MSL2: variants seen among roughly 807,000 people sequenced by gnomAD.
The protein encoded by MSL2 is MSL complex subunit 2, also known as E3 ubiquitin-protein ligase MSL2.
A neutral mutation model predicts 35.8 loss-of-function variants in MSL2; 2 were observed. That is an observed-to-expected ratio of 0.06 (90% confidence interval 0.02 to 0.18). The LOEUF (loss-of-function observed/expected upper bound fraction) is 0.18, where lower values mean the gene tolerates loss of function less well. Ranked by LOEUF, MSL2 falls within the 10% of genes least tolerant of loss-of-function variation. The pLI is 1.00. For missense variants in MSL2, 523 were observed against 706.7 expected (o/e 0.74, Z 2.95); for synonymous variants, 296 against 255.7 (o/e 1.16, Z -1.50).
intron 1 of MSL2, 198 bp from the exon 2 acceptor site, chr3:136,152,936 C>T: frequency 1.0e-6 from 1 of 985,420 alleles, no homozygotes; most frequent in Non-Finnish European, 1.2e-6. Flanking sequence ...ATTCCCCATT[C>T]AGTTATCTCA....
At chr3:136,167,406 C>T (rs1369527955) in intron 1 of MSL2, among the ~76,000 whole-genome samples, 1 of 151,818 alleles carries the variant, frequency 6.6e-6, no homozygotes, top group Admixed American at 6.6e-5. Flanking sequence ...GACAAAAATG[C>T]ATCATATAAT....
chr3:136,179,883 C>A lies in MSL2; in HGVS notation c.142+15089G>T, dbSNP rs1576370862. ...GAGTTTGAGATCAGCCTGGCCAACA[C>A]GGTGAAACTCCACCTCTACTAAAAA... On this transcript the variant is annotated intron_variant, in intron 1 of 1. Transcript: ENST00000309993. Among the ~76,000 whole-genome samples, 4 of 151,926 alleles carry A rather than the reference C, an allele frequency of 2.6e-5. No homozygotes were observed. In the South Asian group the frequency reaches 6.2e-4, roughly 24 times the overall value.
intron 1 of MSL2, among the ~76,000 whole-genome samples, chr3:136,187,396 C>T (rs1036731717): frequency 6.6e-6 from 1 of 152,156 alleles, no homozygotes; most frequent in Admixed American, 6.6e-5. Flanking sequence ...GGCGCAGTGG[C>T]TCACGCCTGT....
Position 136,152,304 on chromosome 3 carries a change from C to T in MSL2, c.577G>A (p.Gly193Ser). 1 of 1,613,974 alleles carries T rather than the reference C, an allele frequency of 6.2e-7. No individual in the cohort carries two copies. The highest frequency in any genetic ancestry group is 8.5e-7 in the Non-Finnish European group (1 of 1,179,896). The change falls in exon 2 of 2, where the codon GGT becomes AGT. Residue 193 changes from glycine to serine, a missense_variant. By Grantham distance (56) the Gly-to-Ser change is moderately conservative. This residue lies in a region of MSL2 where 361 missense variants were observed against 414.6 expected (regional missense o/e 0.87). Coordinates refer to ENST00000309993, the MANE Select transcript of MSL2 (RefSeq NM_018133.4). Reference protein sequence around the residue: ...SIAIGSSVINGLPTYNGLSID... With the variant: ...SIAIGSSVINSLPTYNGLSID... ...GAAAGCCCATTATAAGTAGGCAAAC[C>T]ATTGATAACAGAACTGCCAATAGCA...
chr3:136,156,076 G>A (rs1431294925), intron 1 of MSL2: 5 of 256,988 alleles, frequency 1.9e-5, no homozygotes, highest in East Asian at 9.9e-5. Flanking sequence ...TTTTTCAAAA[G>A]GAAATCAGCT....
intron 1 of MSL2, among the ~76,000 whole-genome samples, chr3:136,159,354 C>CTTTTTTTTT (rs71157361): frequency 1.7e-4 from 12 of 70,054 alleles, no homozygotes; most frequent in African/African-American, 4.4e-4. Context: ...AGAGTACTTT[C>CTTTTTTTTT]TTTTTTTTTT....
At chr3:136,183,414 G>C (rs1052889811) in intron 1 of MSL2, among the ~76,000 whole-genome samples, 3 of 151,866 alleles carry the variant, frequency 2.0e-5, no homozygotes, top group Non-Finnish European at 4.4e-5. Context: ...TTTTTAAAAT[G>C]AAAGTTTTGT....
chr3:136,192,355 T>C (rs1240819129), intron 1 of MSL2, among the ~76,000 whole-genome samples: 1 of 151,970 alleles, frequency 6.6e-6, no homozygotes, highest in Non-Finnish European at 1.5e-5. Context: ...ATTTGTGTAT[T>C]TTTAGTAGAG....
intron 1 of MSL2, among the ~76,000 whole-genome samples, chr3:136,168,183 T>C (rs1163979572): frequency 6.6e-6 from 1 of 151,842 alleles, no homozygotes; most frequent in Non-Finnish European, 1.5e-5. Context: ...AGTTCAAGAT[T>C]AGCTGGGTAA....
chr3:136,165,779 CAAAAGA>C (rs902755751), intron 1 of MSL2, among the ~76,000 whole-genome samples: 2 of 151,782 alleles, frequency 1.3e-5, no homozygotes, highest in African/African-American at 4.8e-5. Context: ...TTAATGGCTA[CAAAAGA>C]AATAGAAAGA....
intron 1 of MSL2, among the ~76,000 whole-genome samples, chr3:136,163,387 C>A (rs1939762730): frequency 6.6e-6 from 1 of 152,166 alleles, no homozygotes; most frequent in Non-Finnish European, 1.5e-5. Context: ...TATTTCCTAG[C>A]ACTATCCACT....
At position 136,195,800 on chromosome 3, in the gene MSL2, G is replaced by C; in HGVS notation, c.-687C>G. On this transcript the variant is annotated 5_prime_UTR_variant, in exon 1 of 2. Coordinates refer to ENST00000309993, the MANE Select transcript of MSL2 (RefSeq NM_018133.4). ...GCCCGCAGTTCCCCGAGGTGGCGAGGCGGGCGGGAGTCCTCAACCCGGAGG... is the reference window on the plus strand; with the variant it reads ...GCCCGCAGTTCCCCGAGGTGGCGAGCCGGGCGGGAGTCCTCAACCCGGAGG... 1 of 985,086 alleles carries C rather than the reference G, an allele frequency of 1.0e-6. No individual in the cohort carries two copies. The highest frequency in any genetic ancestry group is 1.2e-6 in the Non-Finnish European group (1 of 829,846). The allele number at this position is 985,086 out of a possible 1,614,324, so 61.0% of individuals were successfully genotyped here. A position where few individuals can be genotyped will look rare whatever the true frequency, so the allele number is the denominator to read the frequency against.
At position 136,152,018 on chromosome 3, in the gene MSL2, G is replaced by C; in HGVS notation, c.863C>G (p.Pro288Arg). Reference protein sequence around the residue: ...ETVSNTEVCCPNLQPNLEATV... With the variant: ...ETVSNTEVCCRNLQPNLEATV... ...GGCTTCCAAGTTCGGCTGCAAATTAGGGCAACAGACCTCTGTATTTGAAAC... is the reference window on the plus strand; with the variant it reads ...GGCTTCCAAGTTCGGCTGCAAATTACGGCAACAGACCTCTGTATTTGAAAC... Residue 288 changes from proline to arginine, a missense_variant, in exon 2 of 2, where the codon CCT becomes CGT. Pro to Arg is a moderately radical substitution (Grantham distance 103). Coordinates refer to ENST00000309993, the MANE Select transcript of MSL2 (RefSeq NM_018133.4). 6.2e-7 allele frequency: 1 copy of C among 1,614,162 alleles called. No homozygotes were observed. The highest frequency in any genetic ancestry group is 1.1e-5 in the South Asian group (1 of 91,082).
chr3:136,176,463 C>A (rs1006317304), intron 1 of MSL2, among the ~76,000 whole-genome samples: 1 of 142,656 alleles, frequency 7.0e-6, no homozygotes, highest in African/African-American at 2.7e-5. Flanking sequence ...TGTATTGAGC[C>A]AAGATCGTGT....
intron 1 of MSL2, among the ~76,000 whole-genome samples, chr3:136,182,596 C>G (rs1940399828): frequency 6.6e-6 from 1 of 151,918 alleles, no homozygotes; most frequent in South Asian, 2.1e-4. Flanking sequence ...GAAGCCAGAG[C>G]TGGAAGCCAA....
At position 136,193,981 on chromosome 3, in the gene MSL2, T is replaced by C. The variant is rs115542553; in HGVS notation, c.142+991A>G. The stretch of plus-strand genomic sequence containing the variant: ...TTATTTCTCCCTTCAGCCACAACTG[T>C]CCCAAATTACTCTTCTTCCTTTATC... On this transcript the variant is annotated intron_variant, in intron 1 of 1. Transcript: ENST00000309993. Among the ~76,000 whole-genome samples, 868 of 152,314 alleles carry C rather than the reference T, an allele frequency of 5.7e-3. 3 individuals carry two copies. The highest frequency in any genetic ancestry group is 9.9e-3 in the Non-Finnish European group (672 of 68,016).
intron 1 of MSL2, among the ~76,000 whole-genome samples, chr3:136,188,717 C>A (rs767439659): frequency 6.5e-5 from 7 of 106,984 alleles, no homozygotes; most frequent in Non-Finnish European, 1.3e-4. Flanking sequence ...GAGAGCAAGA[C>A]CCTGTCTCAA....
chr3:136,159,875 C>T (rs1295543937), intron 1 of MSL2, among the ~76,000 whole-genome samples: 1 of 151,846 alleles, frequency 6.6e-6, no homozygotes, highest in African/African-American at 2.4e-5. Flanking sequence ...TGTTCTTATA[C>T]GTGACATCAA....
In MSL2 at chr3:136,158,820, G is replaced by A. The variant is rs114127748; in HGVS notation, c.143-6082C>T. On this transcript the variant is annotated intron_variant, in intron 1 of 1. Transcript: ENST00000309993. ...TCCACTGCATTTTCCATTTCTATAT[G>A]CTAGGAATGAACAAACTAATTTTTT... Among the ~76,000 whole-genome samples, 1,121 of 152,210 alleles carry A rather than the reference G, an allele frequency of 7.4e-3. 15 individuals carry two copies. The highest frequency in any genetic ancestry group is 0.026 in the African/African-American group (1,088 of 41,514).
Sources: allele counts gnomAD v4.1 joint callset (sites outside exome capture counted in the v4.1 genomes callset), GRCh38; gene constraint gnomAD v4.1.1; regional missense constraint gnomAD v4.1.1; transcripts MANE v1.5; gene names NCBI Gene and HGNC (gene_info 2026-07-23, HGNC 2026-07-21).